Variants in FOXO4 observed in about 807,000 individuals in gnomAD.
FOXO4 encodes forkhead box O4.
A neutral mutation model predicts 20.8 loss-of-function variants in FOXO4; 3 were observed. That is an observed-to-expected ratio of 0.14 (90% CI 0.07 to 0.37). The LOEUF (loss-of-function observed/expected upper bound fraction) is 0.37. Among genes scored for constraint, FOXO4 ranks in the 10% least tolerant of loss-of-function variants. The pLI, the probability that FOXO4 is intolerant of heterozygous loss-of-function variation, is 1.00. For synonymous variants in FOXO4, 158 were observed against 180.0 expected, an observed-to-expected ratio of 0.88 and a Z score of 0.98; for missense variants, 309 against 431.9, an observed-to-expected ratio of 0.72 and a Z score of 2.52.
chrX:71,100,242 G>A (rs931212801), intron 1 of FOXO4, among the ~76,000 whole-genome samples: 19 of 104,076 alleles, frequency 1.8e-4, no homozygotes, highest in Non-Finnish European at 3.0e-4. Flanking sequence ...CTTTTCCAGG[G>A]TGGGCATCCC....
chrX:71,101,482 C>A lies in FOXO4; in HGVS notation c.1252C>A (p.Pro418Thr). The change falls in exon 2 of 3, where the codon CCC (proline) becomes ACC (threonine). Residue 418 changes from proline (P) to threonine (T), a missense_variant. Transcript: ENST00000374259. Reference protein sequence around the residue: ...LATGVGLCPKPLEAPGPSSLV... With the variant: ...LATGVGLCPKTLEAPGPSSLV... ...CACGGGCGTCGGCCTGTGTCCCAAG[C>A]CCCTAGAGGCTCCAGGCCCCAGCAG... 1 of 1,211,645 alleles carries A rather than the reference C, an allele frequency of 8.3e-7. No individual in the cohort carries two copies. Among genetic ancestry groups the A allele is most frequent in the Non-Finnish European group, 1.1e-6 (1 of 895,420 alleles).
At chrX:71,100,585 T>A (rs2092228205) in intron 1 of FOXO4, 99 bp from the exon 2 acceptor site, 1 of 613,721 alleles carries the variant, frequency 1.6e-6, no homozygotes, top group Non-Finnish European at 2.4e-6. Context: ...TCCTAAACCC[T>A]AGATCATCAG....
chrX:71,096,891 A>G lies in FOXO4; in HGVS notation c.363A>G (p.Arg121=). 8.3e-7 allele frequency: 1 copy of G among 1,209,608 alleles called. No homozygotes were observed. Among genetic ancestry groups the G allele is most frequent in the East Asian group, 3.0e-5 (1 of 33,790 alleles). The change falls in exon 1 of 3, where the codon CGA becomes CGG. Residue 121 remains arginine, a synonymous_variant. Coordinates refer to ENST00000374259, the MANE Select transcript of FOXO4 (RefSeq NM_005938.4). Reference sequence around the variant, plus strand: ...CCATTGAAAGCGCCCCGGAGAAGCGACTGACACTTGCCCAGATCTACGAGT... The same window carrying G: ...CCATTGAAAGCGCCCCGGAGAAGCGGCTGACACTTGCCCAGATCTACGAGT... ...SQAIESAPEK[R]LTLAQIYEWM... is the part of the protein sequence containing the mutation.
In FOXO4 at chrX:71,102,704, G is replaced by A. The variant is rs1602284324; in HGVS notation, c.*620G>A. The A allele has an allele frequency of 5.8e-6, 1 of 172,390 alleles. No individual in the cohort carries two copies. Among genetic ancestry groups the A allele is most frequent in the East Asian group, 8.3e-5 (1 of 12,027 alleles). 14.2% of individuals were successfully genotyped at this position (172,390 alleles called of 1,213,427 possible). On this transcript the variant is annotated 3_prime_UTR_variant, in exon 3 of 3. Coordinates refer to ENST00000374259, the MANE Select transcript of FOXO4 (RefSeq NM_005938.4). ...ATAGAGATTTTTTAACCATGGCAGGGTGCTAGTGGTGGGCAGAATGCTTTT... is the reference window on the plus strand; with the variant it reads ...ATAGAGATTTTTTAACCATGGCAGGATGCTAGTGGTGGGCAGAATGCTTTT...
In FOXO4 at chrX:71,101,314, A is replaced by G; in HGVS notation, c.1084A>G (p.Ser362Gly). The G allele has an allele frequency of 8.3e-7, 1 of 1,211,031 alleles. No homozygotes were observed. Among genetic ancestry groups the G allele is most frequent in the Non-Finnish European group, 1.1e-6 (1 of 895,184 alleles). Reference protein sequence around the residue: ...PLSAGEGCFSSSQALEALLTS... With the variant: ...PLSAGEGCFSGSQALEALLTS... ...GTCAGCAGGAGAAGGGTGCTTCTCC[A>G]GCTCCCAGGCTCTGGAGGCCCTGCT... is the stretch of plus-strand genomic sequence containing the variant. The change falls in exon 2 of 3, where the codon AGC becomes GGC. Residue 362 changes from serine to glycine, a missense_variant. By Grantham distance (56) the Ser-to-Gly change is moderately conservative. This residue lies in a region of FOXO4 where 223 missense variants were observed against 302.7 expected (regional missense o/e 0.74). Coordinates refer to ENST00000374259, the MANE Select transcript of FOXO4 (RefSeq NM_005938.4).
intron 1 of FOXO4, 113 bp from the exon 2 acceptor site, chrX:71,100,571 C>T: frequency 1.9e-6 from 1 of 515,448 alleles, no homozygotes; most frequent in Non-Finnish European, 3.0e-6. Flanking sequence ...GTGGTGGCAC[C>T]AAATCCTAAA....
At chrX:71,100,529 GGAAATGAAGCCCC>G (rs995117807) in intron 1 of FOXO4, among the ~76,000 whole-genome samples, 142 bp from the exon 2 acceptor site, 10 of 110,006 alleles carry the variant, frequency 9.1e-5, no homozygotes, top group African/African-American at 3.3e-4. Flanking sequence ...TAATGACCTG[GGAAATGAAGCCCC>G]GAAATGAACC....
At chrX:71,098,959 G>A (rs947467864) in intron 1 of FOXO4, among the ~76,000 whole-genome samples, 4 of 110,979 alleles carry the variant, frequency 3.6e-5, no homozygotes, top group African/African-American at 1.3e-4. Flanking sequence ...CCAGGCAAAG[G>A]TGCTCCTTAT....
chrX:71,096,090 G>A lies in FOXO4; in HGVS notation c.-439G>A, dbSNP rs1482818174. ...AGTGACGCGGGGGAGCGGGGCGTGG[G>A]GGAGGGCAGCAATCCGGGTGGAGGA... is the stretch of plus-strand genomic sequence containing the variant. On this transcript the variant is annotated 5_prime_UTR_variant, in exon 1 of 3. Coordinates refer to ENST00000374259, the MANE Select transcript of FOXO4 (RefSeq NM_005938.4). 2 of 153,593 alleles carry A rather than the reference G, an allele frequency of 1.3e-5. No homozygotes were observed. The highest frequency in any genetic ancestry group is 2.1e-4 in the East Asian group (2 of 9,751). 12.7% of individuals were successfully genotyped at this position (153,593 alleles called of 1,213,427 possible). A position where few individuals can be genotyped will look rare whatever the true frequency, so the allele number is the denominator to read the frequency against.
intron 1 of FOXO4, among the ~76,000 whole-genome samples, chrX:71,097,226 T>A (rs938213752): frequency 9.0e-6 from 1 of 111,657 alleles, no homozygotes; most frequent in Non-Finnish European, 1.9e-5. Flanking sequence ...TGGAGAAAAT[T>A]GAATTCTCTG....
In FOXO4 at chrX:71,100,817, C is replaced by A; in HGVS notation, c.587C>A (p.Ala196Asp). The change falls in exon 2 of 3, where the codon GCC (alanine) becomes GAC (aspartate). Residue 196 changes from alanine to aspartate, a missense_variant. By Grantham distance (126) the Ala-to-Asp change is moderately radical. Around this residue, in one of 3 missense-constraint regions of FOXO4, gnomAD observed 223 missense variants for 302.7 expected, o/e 0.74. Coordinates refer to ENST00000374259, the MANE Select transcript of FOXO4 (RefSeq NM_005938.4). ...GGCAAAGCCCCCCGCCGCCGGGCCG[C>A]CTCCATGGATAGCAGCAGCAAGCTG... ...KSGKAPRRRA[A>D]SMDSSSKLLR... 1 of 1,211,215 alleles carries A rather than the reference C, an allele frequency of 8.3e-7. No homozygotes were observed. Among genetic ancestry groups the A allele is most frequent in the Non-Finnish European group, 1.1e-6 (1 of 895,101 alleles).
At position 71,101,359 on chromosome X, in the gene FOXO4, C is replaced by T. The variant is rs1230187959; in HGVS notation, c.1129C>T (p.Pro377Ser). ...CCTGCTCACCTCTGATACGCCACCA[C>T]CCCCTGCTGACGTCCTCATGACCCA... The part of the protein sequence containing the change: ...EALLTSDTPP[P>S]PADVLMTQVD... Residue 377 changes from proline (P) to serine (S), a missense_variant, in exon 2 of 3, where the codon CCC becomes TCC. Pro to Ser is a moderately conservative substitution (Grantham distance 74, BLOSUM62 -1). Coordinates refer to ENST00000374259, the MANE Select transcript of FOXO4 (RefSeq NM_005938.4). 2.5e-6 allele frequency: 3 copies of T among 1,211,247 alleles called. No individual in the cohort carries two copies. Among genetic ancestry groups the T allele is most frequent in the South Asian group, 1.8e-5 (1 of 56,953 alleles).
chrX:71,096,631 C>T lies in FOXO4; in HGVS notation c.103C>T (p.Leu35Phe), dbSNP rs767943337. The T allele has an allele frequency of 1.7e-6, 2 of 1,210,852 alleles. No homozygotes were observed. Among genetic ancestry groups the T allele is most frequent in the South Asian group, 3.5e-5 (2 of 56,758 alleles). The change falls in exon 1 of 3, where the codon CTT (leucine) becomes TTT (phenylalanine). Residue 35 changes from leucine to phenylalanine, a missense_variant. Physicochemically the swap from Leu to Phe is conservative, Grantham distance 22. Around this residue, in one of 3 missense-constraint regions of FOXO4, gnomAD observed 81 missense variants for 94.2 expected, o/e 0.86. Coordinates refer to ENST00000374259, the MANE Select transcript of FOXO4 (RefSeq NM_005938.4). The part of the protein sequence containing the change: ...QSRPRSCTWP[L>F]PRPEIANQPS... Reference sequence around the variant, plus strand: ...CCGTCCCCGCTCCTGCACCTGGCCCCTTCCCCGACCAGAGATCGCTAACCA... The same window carrying T: ...CCGTCCCCGCTCCTGCACCTGGCCCTTTCCCCGACCAGAGATCGCTAACCA...
chrX:71,099,478 G>A (rs1327343492), intron 1 of FOXO4: 1 of 111,892 alleles, frequency 8.9e-6, no homozygotes, highest in Non-Finnish European at 1.9e-5. Context: ...TATGTACTGT[G>A]AGCTTGAGTA....
Position 71,096,534 on chromosome X carries a change from T to C in FOXO4, c.6T>C (p.Asp2=). The C allele has an allele frequency of 8.3e-7, 1 of 1,205,198 alleles. No individual in the cohort carries two copies. The highest frequency in any genetic ancestry group is 1.1e-6 in the Non-Finnish European group (1 of 892,032). ...GGGGAGGTCCAACTCCACGTATGGA[T>C]CCGGGGAATGAGAATTCAGCCACAG... M[D]PGNENSATEA... Residue 2 remains aspartate, a synonymous_variant, in exon 1 of 3, where the codon GAT becomes GAC. Transcript: ENST00000374259.
At position 71,096,080 on chromosome X, in the gene FOXO4, C is replaced by G. The variant is rs866646430; in HGVS notation, c.-449C>G. 1 of 48,679 alleles carries G rather than the reference C, an allele frequency of 2.1e-5. No individual in the cohort carries two copies. The highest frequency in any genetic ancestry group is 3.5e-5 in the Non-Finnish European group (1 of 28,474). The allele number at this position is 48,679 out of a possible 1,213,427, so 4.0% of individuals were successfully genotyped here. ...GGGAGGGGCAAGTGACGCGGGGGAG[C>G]GGGGCGTGGGGGAGGGCAGCAATCC... On this transcript the variant is annotated 5_prime_UTR_variant, in exon 1 of 3. Transcript: ENST00000374259.
At chrX:71,100,552 C>A in intron 1 of FOXO4, 132 bp from the exon 2 acceptor site, 1 of 382,382 alleles carries the variant, frequency 2.6e-6, no homozygotes, top group Non-Finnish European at 4.5e-6. Flanking sequence ...CGAAATGAAC[C>A]CTGCTGCGGT....
chrX:71,101,803 A>G, intron 2 of FOXO4, 63 bp downstream of exon 2: 1 of 950,244 alleles, frequency 1.1e-6, no homozygotes, highest in Non-Finnish European at 1.5e-6. Context: ...GTGCCCAGCT[A>G]GTCCCATGAT....
intron 1 of FOXO4, among the ~76,000 whole-genome samples, chrX:71,097,480 G>A (rs1321745736): frequency 9.0e-6 from 1 of 110,641 alleles, no homozygotes; most frequent in African/African-American, 3.3e-5. Flanking sequence ...CTACCCAGGA[G>A]GAGGGAGTGC....
Sources: allele counts gnomAD v4.1 joint callset (sites outside exome capture counted in the v4.1 genomes callset), GRCh38; gene constraint gnomAD v4.1.1; regional missense constraint gnomAD v4.1.1; transcripts MANE v1.5; gene names NCBI Gene and HGNC (gene_info 2026-07-23, HGNC 2026-07-21).